MYLK4: variants seen among roughly 807,000 people sequenced by gnomAD.
MYLK4 encodes the protein caMLCK like.
Under a neutral mutation model 48.1 loss-of-function variants are expected in MYLK4, and 46 were observed. The ratio of observed to expected loss-of-function variants is 0.96; its 90% CI spans 0.75 to 1.22. MYLK4 has a LOEUF of 1.22. Among genes scored for constraint, MYLK4 ranks in the 50% most tolerant of loss-of-function variants. The pLI is 0.00. For missense variants in MYLK4, 451 were observed against 486.1 expected (o/e 0.93, Z 0.68); for synonymous variants, 170 against 180.8 (o/e 0.94, Z 0.48).
At chr6:2,714,563 G>C (rs547598081) in intron 2 of MYLK4, among the ~76,000 whole-genome samples, 37 of 152,292 alleles carry the variant, frequency 2.4e-4, no homozygotes, top group African/African-American at 8.7e-4. Context: ...GGGCTCGCCT[G>C]TCCTGCATCA....
intron 10 of MYLK4, among the ~76,000 whole-genome samples, chr6:2,676,624 C>T (rs919398061): frequency 6.6e-6 from 1 of 152,204 alleles, no homozygotes; most frequent in Non-Finnish European, 1.5e-5. Context: ...TTCATCCAAG[C>T]ATTGACTGGA....
rs1240577688 is a variant in MYLK4 at position 2,728,637 on chromosome 6, T to C, written c.159+20499A>G. The stretch of plus-strand genomic sequence containing the variant: ...TGCCCAGAGAGGTTGGCACTCCAGC[T>C]GAGGCTGCAGCTGGGAGGCCCGTGG... On this transcript the variant is annotated intron_variant, in intron 2 of 12. Transcript: ENST00000274643. Among the ~76,000 whole-genome samples, 3 of 152,238 alleles carry C rather than the reference T, an allele frequency of 2.0e-5. No individual in the cohort carries two copies. The East Asian group carries it at 5.8e-4, about 29-fold the overall frequency.
rs1445913164 is a variant in MYLK4 at position 2,672,799 on chromosome 6, G to C, written c.1120-1451C>G. ...ACCCAGCAGCCCATCACCGGCAGGA[G>C]AGCAGAGCAGTGAGGCTCTGCCCGG... On this transcript the variant is annotated intron_variant, in intron 11 of 12. Transcript: ENST00000274643. This position sits in a 1 kb window ranked among gnomAD's most constrained non-coding sequence, Gnocchi z 4.3. Among the ~76,000 whole-genome samples the C allele has an allele frequency of 6.6e-6, 1 of 152,176 alleles. No individual in the cohort carries two copies. The highest frequency in any genetic ancestry group is 1.5e-5 in the Non-Finnish European group (1 of 68,034).
At chr6:2,753,631 G>C (rs1281420314), upstream of MYLK4, among the ~76,000 whole-genome samples, 2 of 152,136 alleles carry the variant, frequency 1.3e-5, no homozygotes, top group South Asian at 2.1e-4. Context: ...ATACTGTGAA[G>C]TCACATATTT....
the MYLK4 span, among the ~76,000 whole-genome samples, chr6:2,763,716 T>C: frequency 6.6e-6 from 1 of 152,064 alleles, no homozygotes; most frequent in Non-Finnish European, 1.5e-5. Context: ...AGAGCTCCCA[T>C]AGTACAGCGG....
At chr6:2,738,251 G>T (rs1561878367) in intron 2 of MYLK4, among the ~76,000 whole-genome samples, 2 of 152,176 alleles carry the variant, frequency 1.3e-5, no homozygotes. Context: ...CCACCTTCCT[G>T]ATCTATCTTT....
chr6:2,690,434 T>C (rs1013660592), intron 3 of MYLK4, among the ~76,000 whole-genome samples: 3 of 152,206 alleles, frequency 2.0e-5, no homozygotes, highest in African/African-American at 4.8e-5. Context: ...GCCCTTATGC[T>C]GCTGACACAC....
At chr6:2,742,236 A>G (rs1763920757) in intron 2 of MYLK4, among the ~76,000 whole-genome samples, 1 of 152,172 alleles carries the variant, frequency 6.6e-6, no homozygotes, top group East Asian at 1.9e-4. Context: ...GGTCCCCGGG[A>G]AAGGCGCAGG....
At chr6:2,750,063 T>C (rs563596448) in intron 1 of MYLK4, among the ~76,000 whole-genome samples, 1 of 152,308 alleles carries the variant, frequency 6.6e-6, no homozygotes, top group East Asian at 1.9e-4. Flanking sequence ...GCTTTGATAC[T>C]AGAGACATAT....
chr6:2,725,577 A>AAAAAAGAAAGAAAGAAAG (rs1763233884), intron 2 of MYLK4, among the ~76,000 whole-genome samples: 1 of 128,886 alleles, frequency 7.8e-6, no homozygotes, highest in African/African-American at 2.9e-5. Flanking sequence ...GAAAGAAAGA[A>AAAAAAGAAAGAAAGAAAG]AAAGAAAGAG....
intron 2 of MYLK4, among the ~76,000 whole-genome samples, chr6:2,723,059 A>G (rs1353402546): frequency 6.6e-6 from 1 of 152,146 alleles, no homozygotes; most frequent in East Asian, 1.9e-4. Context: ...TGGGAGGCTG[A>G]GGGGGGAGGA....
the MYLK4 span, chr6:2,765,902 G>A: frequency 4.1e-6 from 6 of 1,457,138 alleles, no homozygotes; most frequent in Non-Finnish European, 5.4e-6. Context: ...GAGCAGCGAG[G>A]GCGAGGGTGA....
the MYLK4 span, among the ~76,000 whole-genome samples, chr6:2,763,725 G>A: frequency 0.012 from 1,851 of 152,350 alleles, 28 homozygotes; most frequent in South Asian, 0.062. Flanking sequence ...ATAGTACAGC[G>A]GCAGGCTGAA....
intron 2 of MYLK4, among the ~76,000 whole-genome samples, chr6:2,744,391 G>A (rs1227981631): frequency 1.3e-5 from 2 of 152,224 alleles, no homozygotes; most frequent in African/African-American, 2.4e-5. Flanking sequence ...CCGAGGCTGG[G>A]CCACTGCCAG....
At position 2,685,331 on chromosome 6, in the gene MYLK4, G is replaced by A. The variant is rs751431948; in HGVS notation, c.510C>T (p.Phe170=). The A allele has an allele frequency of 6.8e-6, 11 of 1,613,538 alleles. No homozygotes were observed. The highest frequency in any genetic ancestry group is 1.3e-5 in the African/African-American group (1 of 74,856). Residue 170 remains phenylalanine, a synonymous_variant, in exon 6 of 13, where the codon TTC becomes TTT. Coordinates refer to ENST00000274643, the MANE Select transcript of MYLK4 (RefSeq NM_001012418.5). The surrounding 1 kb of genome is among the most constrained non-coding windows in gnomAD (Gnocchi z 4.5). ...HANLIQLYDA[F]ESKNDIVLVM... ...CCAGGACAATGTCGTTCTTAGACTC[G>A]AAGGCATCGTACAGCTGGATGAGGT...
At chr6:2,700,169 T>G (rs978992293) in intron 2 of MYLK4, among the ~76,000 whole-genome samples, 1 of 152,088 alleles carries the variant, frequency 6.6e-6, no homozygotes, top group Admixed American at 6.5e-5. Flanking sequence ...GAGGCCGCTC[T>G]TTCTTTCCCT....
intron 3 of MYLK4, 128 bp from the exon 4 acceptor site, chr6:2,689,084 C>T: frequency 1.4e-6 from 1 of 692,292 alleles, no homozygotes; most frequent in Non-Finnish European, 2.5e-6. Context: ...CTGTTTGATT[C>T]CTAATGATCC....
the MYLK4 span, among the ~76,000 whole-genome samples, chr6:2,769,380 A>G: frequency 6.6e-6 from 1 of 152,176 alleles, no homozygotes; most frequent in South Asian, 2.1e-4. Context: ...GACACAAGCT[A>G]TTTTTATAAA....
intron 2 of MYLK4, among the ~76,000 whole-genome samples, chr6:2,746,833 T>C (rs1049285918): frequency 6.6e-6 from 1 of 152,256 alleles, no homozygotes; most frequent in Non-Finnish European, 1.5e-5. Context: ...AATCTAGCTC[T>C]GTCTGCATAC....
Sources: gnomAD v4.1 joint callset for allele counts (sites outside exome capture counted in the v4.1 genomes callset) on GRCh38, gnomAD v4.1.1 for gene constraint, Gnocchi (gnomAD v3.1) non-coding constraint, MANE v1.5 for transcripts, NCBI Gene and HGNC (gene_info 2026-07-23, HGNC 2026-07-21) for gene names.